Variants in AFF1 observed in about 807,000 individuals in gnomAD.
AFF1 encodes AF4/FMR2 family member 1.
AFF1 carries 48 observed loss-of-function variants against 121.7 expected under a neutral mutation model. That is an observed-to-expected ratio of 0.39 (90% confidence interval 0.31 to 0.50). AFF1 has a LOEUF of 0.50. AFF1 is among the 20% of genes least tolerant of loss of function. The probability of loss-of-function intolerance (pLI) is 0.76; values close to 1 mark genes in which losing one functional copy is unlikely to be tolerated. For missense variants in AFF1, 1,523 were observed against 1,511.7 expected, an observed-to-expected ratio of 1.01 and a Z score of -0.12; for synonymous variants, 613 against 563.0, an observed-to-expected ratio of 1.09 and a Z score of -1.26.
intron 1 of AFF1, among the ~76,000 whole-genome samples, chr4:86,944,579 C>T (rs918203676): frequency 6.6e-6 from 1 of 152,118 alleles, no homozygotes; most frequent in Non-Finnish European, 1.5e-5. Flanking sequence ...TTCCTGACCT[C>T]GTGATTTGCC....
chr4:87,131,343 G>T, intron 17 of AFF1, 124 bp downstream of exon 17: 1 of 1,255,410 alleles, frequency 8.0e-7, no homozygotes. Context: ...AAAGTTATTG[G>T]TCTAAGAACT....
At chr4:87,067,065 ATTCCCT>A (rs754782743) in intron 4 of AFF1, among the ~76,000 whole-genome samples, 1 of 152,216 alleles carries the variant, frequency 6.6e-6, no homozygotes, top group Non-Finnish European at 1.5e-5. Flanking sequence ...ACTGTTTATC[ATTCCCT>A]TTCCCCTTTC....
Position 87,135,999 on chromosome 4 carries a change from AT to A in AFF1, c.*308del, listed in dbSNP as rs939816222. On this transcript the variant is annotated 3_prime_UTR_variant, in exon 21 of 21. Transcript: ENST00000395146. ...GTATGAATGGTCTAGAAACATTTCT[AT>A]TTTTTTTTTAAACCAGCAGGATACA... 1,477 of 285,924 alleles carry A rather than the reference AT, an allele frequency of 5.2e-3. No individual in the cohort carries two copies. Among genetic ancestry groups the A allele is most frequent in the Middle Eastern group, 9.9e-3 (10 of 1,014 alleles). The allele number at this position is 285,924 out of a possible 1,614,324, so 17.7% of individuals were successfully genotyped here. A position where few individuals can be genotyped will look rare whatever the true frequency, so the allele number is the denominator to read the frequency against.
At chr4:87,022,708 ATATC>A (rs1470312744) in intron 2 of AFF1, among the ~76,000 whole-genome samples, 1 of 145,486 alleles carries the variant, frequency 6.9e-6, no homozygotes, top group Non-Finnish European at 1.5e-5. Flanking sequence ...GTGTATATAT[ATATC>A]TGTGTGTATA....
At chr4:87,064,205 C>G (rs933749140) in intron 4 of AFF1, among the ~76,000 whole-genome samples, 1 of 152,190 alleles carries the variant, frequency 6.6e-6, no homozygotes, top group Non-Finnish European at 1.5e-5. Context: ...TAGTACTGAA[C>G]TGAACACTGA....
At chr4:87,079,606 G>C (rs1233981626) in intron 4 of AFF1, among the ~76,000 whole-genome samples, 1 of 152,204 alleles carries the variant, frequency 6.6e-6, no homozygotes, top group African/African-American at 2.4e-5. Context: ...GCAGTGTTGA[G>C]GTTTTTAGAA....
intron 2 of AFF1, among the ~76,000 whole-genome samples, chr4:86,951,294 A>G (rs1721286431): frequency 6.6e-6 from 1 of 151,932 alleles, no homozygotes; most frequent in African/African-American, 2.4e-5. Flanking sequence ...CCCCCAGCCT[A>G]AAGGTCAGCC....
chr4:86,937,506 T>C (rs1025634793), intron 1 of AFF1, among the ~76,000 whole-genome samples: 1 of 152,246 alleles, frequency 6.6e-6, no homozygotes, highest in Non-Finnish European at 1.5e-5. Flanking sequence ...GAGAACTTGC[T>C]TAATTAGGTT....
At chr4:87,078,635 GAAGA>G (rs1722896789) in intron 4 of AFF1, among the ~76,000 whole-genome samples, 1 of 152,190 alleles carries the variant, frequency 6.6e-6, no homozygotes, top group South Asian at 2.1e-4. Flanking sequence ...GACACAGATG[GAAGA>G]GAGAAGAGGG....
intron 2 of AFF1, among the ~76,000 whole-genome samples, chr4:87,024,002 TAGC>T (rs1362485105): frequency 4.6e-5 from 7 of 152,178 alleles, no homozygotes; most frequent in Admixed American, 1.3e-4. Flanking sequence ...TCTATGGTAA[TAGC>T]AGTCTTTTAT....
chr4:86,959,895 T>C (rs1722023203), intron 2 of AFF1, among the ~76,000 whole-genome samples: 1 of 152,122 alleles, frequency 6.6e-6, no homozygotes, highest in Non-Finnish European at 1.5e-5. Flanking sequence ...TGATAAATAA[T>C]TGGAAGGAAA....
chr4:87,026,088 G>T (rs1427774242), intron 2 of AFF1, among the ~76,000 whole-genome samples: 1 of 146,936 alleles, frequency 6.8e-6, no homozygotes, highest in Non-Finnish European at 1.5e-5. Flanking sequence ...TTGCGTGGTG[G>T]TGCATGCCTG....
In AFF1 at chr4:87,125,100, T is replaced by G. The variant is rs1728098912; in HGVS notation, c.2530T>G (p.Ser844Ala). 3.1e-6 allele frequency: 5 copies of G among 1,609,356 alleles called. No individual in the cohort carries two copies. In the East Asian group the frequency reaches 8.9e-5, roughly 29 times the overall value. Residue 844 changes from serine (S) to alanine (A), a missense_variant, in exon 13 of 21, where the codon TCA (serine) becomes GCA (alanine). By Grantham distance (99) the Ser-to-Ala change is moderately conservative (BLOSUM62 1). Coordinates refer to ENST00000395146, the MANE Select transcript of AFF1 (RefSeq NM_001166693.3). The part of the protein sequence containing the change: ...IRLEKEIKSQ[S>A]SSSSSSHKES... The stretch of plus-strand genomic sequence containing the variant: ...ACTGGAGAAGGAAATCAAATCACAG[T>G]CATCTTCATCTTCATCCTCCCACAA...
intron 5 of AFF1, among the ~76,000 whole-genome samples, chr4:87,088,970 C>T (rs902959152): frequency 6.6e-6 from 1 of 152,026 alleles, no homozygotes; most frequent in Non-Finnish European, 1.5e-5. Flanking sequence ...GTCTTGAACT[C>T]CCGATCTCAG....
At chr4:87,113,047 G>A (rs755088328) in intron 11 of AFF1, among the ~76,000 whole-genome samples, 3 of 152,184 alleles carry the variant, frequency 2.0e-5, no homozygotes, top group Non-Finnish European at 4.4e-5. Flanking sequence ...AGACACAAGA[G>A]TCTCCGTCAT....
intron 10 of AFF1, among the ~76,000 whole-genome samples, chr4:87,107,016 G>T (rs1052074054): frequency 6.6e-6 from 1 of 152,136 alleles, no homozygotes; most frequent in Non-Finnish European, 1.5e-5. Flanking sequence ...ACCAAGCGGG[G>T]GTACAAATTT....
chr4:86,959,746 G>A (rs922003725), intron 2 of AFF1, among the ~76,000 whole-genome samples: 1 of 152,182 alleles, frequency 6.6e-6, no homozygotes, highest in Non-Finnish European at 1.5e-5. Flanking sequence ...GAAAGCAGAG[G>A]TTGGCTTTCA....
intron 2 of AFF1, among the ~76,000 whole-genome samples, chr4:87,005,908 T>C (rs1020308400): frequency 7.9e-5 from 12 of 152,228 alleles, no homozygotes; most frequent in African/African-American, 2.9e-4. Context: ...TTCCCCATAA[T>C]TGCTTTTGCA....
At position 87,115,003 on chromosome 4, in the gene AFF1, A is replaced by AGCGGCAGCAGGACTAGTGGCT. The variant is rs1726946698; in HGVS notation, c.2173_2193dup (p.Gly725_Cys731dup). On this transcript the variant is annotated inframe_insertion, in exon 12 of 21. Transcript: ENST00000395146. The stretch of plus-strand genomic sequence containing the variant: ...GAGCCAGGGCCCACCCCACAGTGGC[A>AGCGGCAGCAGGACTAGTGGCT]GCGGCAGCAGGACTAGTGGCTGCCG... The AGCGGCAGCAGGACTAGTGGCT allele has an allele frequency of 6.2e-7, 1 of 1,613,644 alleles. No individual in the cohort carries two copies. Among genetic ancestry groups the AGCGGCAGCAGGACTAGTGGCT allele is most frequent in the Non-Finnish European group, 8.5e-7 (1 of 1,179,896 alleles).
Sources: gnomAD v4.1 joint callset for allele counts (sites outside exome capture counted in the v4.1 genomes callset) on GRCh38, gnomAD v4.1.1 for gene constraint, MANE v1.5 for transcripts, NCBI Gene and HGNC (gene_info 2026-07-23, HGNC 2026-07-21) for gene names.